The following C1GALT1 variants were observed in gnomAD, a reference collection of about 807,000 sequenced individuals.
C1GALT1 encodes core 1 synthase, glycoprotein-N-acetylgalactosamine 3-beta-galactosyltransferase 1.
In C1GALT1, 11 loss-of-function variants were observed where a neutral mutation model predicts 31.0. That is an observed-to-expected ratio of 0.36 (90% CI 0.22 to 0.59). The LOEUF (loss-of-function observed/expected upper bound fraction) is 0.59, where lower values mean the gene tolerates loss of function less well. Among genes scored for constraint, C1GALT1 ranks in the 20% least tolerant of loss-of-function variants. The pLI is 0.79. For missense variants in C1GALT1, 424 were observed against 425.2 expected (o/e 1.00, Z 0.03); for synonymous variants, 175 against 143.6 (o/e 1.22, Z -1.56).
intron 2 of C1GALT1, chr7:7,234,836 T>G (rs901910506): frequency 2.0e-5 from 4 of 202,662 alleles, no homozygotes; most frequent in African/African-American, 9.3e-5. Flanking sequence ...TTTTGTTATA[T>G]GTGTGTCTTT....
chr7:7,243,734 A>G lies in C1GALT1; in HGVS notation c.*7A>G, dbSNP rs573123670. The G allele has an allele frequency of 6.3e-7, 1 of 1,579,578 alleles. No individual in the cohort carries two copies. The highest frequency in any genetic ancestry group is 1.4e-5 in the African/African-American group (1 of 73,882). On this transcript the variant is annotated 3_prime_UTR_variant, in exon 4 of 4. Transcript: ENST00000436587. ...GAAGTTAGGAAATCCTTGAAAGAAA[A>G]TCATGAATGAACAAAGGTAATATGT...
At chr7:7,167,644 G>A (rs1230054975) in intron 2 of C1GALT1, among the ~76,000 whole-genome samples, 2 of 151,526 alleles carry the variant, frequency 1.3e-5, no homozygotes, top group African/African-American at 4.9e-5. Context: ...CAGAATCTGT[G>A]GTATGCTGAC....
chr7:7,191,658 G>T (rs1458582070), intron 1 of C1GALT1, among the ~76,000 whole-genome samples: 1 of 151,998 alleles, frequency 6.6e-6, no homozygotes, highest in Non-Finnish European at 1.5e-5. Context: ...TCTGAATTTT[G>T]ATGGTAACCA....
rs1269827922 is a variant in C1GALT1 at position 7,182,704 on chromosome 7, C to T, written c.-134C>T. The T allele has an allele frequency of 2.7e-6, 2 of 729,198 alleles. No individual in the cohort carries two copies. The highest frequency in any genetic ancestry group is 6.3e-5 in the Admixed American group (1 of 15,936). 45.2% of individuals were successfully genotyped at this position (729,198 alleles called of 1,614,324 possible). On this transcript the variant is annotated 5_prime_UTR_variant, in exon 1 of 4. Coordinates refer to ENST00000436587, the MANE Select transcript of C1GALT1 (RefSeq NM_020156.5). ...TAATCTGGGCGGCAGCGGGCGGCCT[C>T]GGCTAGCGGCCACGAGCCACTTCTG... is the stretch of plus-strand genomic sequence containing the variant.
At chr7:7,206,052 T>C (rs897385026) in intron 1 of C1GALT1, among the ~76,000 whole-genome samples, 3 of 152,226 alleles carry the variant, frequency 2.0e-5, no homozygotes, top group African/African-American at 4.8e-5. Context: ...ACACTTAATA[T>C]TTAAAAATTA....
chr7:7,236,985 C>G (rs563457725), intron 2 of C1GALT1, among the ~76,000 whole-genome samples: 9 of 152,298 alleles, frequency 5.9e-5, no homozygotes, highest in African/African-American at 1.7e-4. Flanking sequence ...CGTCAGGATA[C>G]TGCCCAGAAC....
chr7:7,185,786 C>G (rs952056350), intron 1 of C1GALT1, among the ~76,000 whole-genome samples: 7 of 152,214 alleles, frequency 4.6e-5, no homozygotes, highest in African/African-American at 1.7e-4. Context: ...TTCAACCTAT[C>G]TTTTGTGGGG....
chr7:7,197,238 C>A (rs1354058257), intron 1 of C1GALT1, among the ~76,000 whole-genome samples: 3 of 152,074 alleles, frequency 2.0e-5, no homozygotes, highest in Admixed American at 6.5e-5. Context: ...AGGAAGGGAT[C>A]CAGTTTCAGC....
At chr7:7,169,835 C>G (rs1780434570) in intron 2 of C1GALT1, among the ~76,000 whole-genome samples, 1 of 152,188 alleles carries the variant, frequency 6.6e-6, no homozygotes, top group African/African-American at 2.4e-5. Flanking sequence ...ATGTCTTTAT[C>G]TGACTTTGGT....
chr7:7,232,781 C>T (rs982232003), intron 1 of C1GALT1, among the ~76,000 whole-genome samples: 6 of 152,274 alleles, frequency 3.9e-5, no homozygotes, highest in Middle Eastern at 6.8e-3. Flanking sequence ...TGAGCCACCA[C>T]GCCCAGCCGG....
chr7:7,235,672 TAA>T (rs1427400452), intron 2 of C1GALT1, among the ~76,000 whole-genome samples: 1 of 152,212 alleles, frequency 6.6e-6, no homozygotes, highest in Non-Finnish European at 1.5e-5. Context: ...TGGGGTATGC[TAA>T]AAGTTTGTCT....
intron 3 of C1GALT1, among the ~76,000 whole-genome samples, chr7:7,239,496 A>G (rs1299417119): frequency 2.0e-5 from 3 of 152,150 alleles, no homozygotes; most frequent in African/African-American, 4.8e-5. Flanking sequence ...TCTCTCACTT[A>G]ATAGCCGAAC....
Position 7,238,460 on chromosome 7 carries a change from A to G in C1GALT1, c.426A>G (p.Gln142=), listed in dbSNP as rs376057308. 47 of 1,613,810 alleles carry G rather than the reference A, an allele frequency of 2.9e-5. No homozygotes were observed. Among genetic ancestry groups the G allele is most frequent in the Non-Finnish European group, 3.6e-5 (43 of 1,179,968 alleles). ...VGLKTKEGRD[Q]LYWKTIKAFQ... is the part of the protein sequence containing the mutation. Reference sequence around the variant, plus strand: ...TGAAAACCAAAGAAGGCAGAGATCAACTATACTGGAAAACAATTAAAGCTT... The same window carrying G: ...TGAAAACCAAAGAAGGCAGAGATCAGCTATACTGGAAAACAATTAAAGCTT... Residue 142 remains glutamine (Q), a synonymous_variant, in exon 3 of 4, where the codon CAA becomes CAG. Transcript: ENST00000436587. The surrounding 1 kb of genome is among the most constrained non-coding windows in gnomAD (Gnocchi z 5.2).
rs528821933 is a variant in C1GALT1, at chr7:7,247,060, A to G, written c.*3333A>G. Reference sequence around the variant, plus strand: ...AGTACATAATTTATTAAAAACATACATAAGTGTCATCAAAAAGGTCCACAA... The same window carrying G: ...AGTACATAATTTATTAAAAACATACGTAAGTGTCATCAAAAAGGTCCACAA... On this transcript the variant is annotated 3_prime_UTR_variant, in exon 4 of 4. Coordinates refer to ENST00000436587, the MANE Select transcript of C1GALT1 (RefSeq NM_020156.5). 1 of 152,198 alleles carries G rather than the reference A, an allele frequency of 6.6e-6. No individual in the cohort carries two copies. The highest frequency in any genetic ancestry group is 2.4e-5 in the African/African-American group (1 of 41,458). 9.4% of individuals were successfully genotyped at this position (152,198 alleles called of 1,614,324 possible).
intron 1 of C1GALT1, among the ~76,000 whole-genome samples, chr7:7,215,777 A>G (rs1782208039): frequency 6.6e-6 from 1 of 151,990 alleles, no homozygotes; most frequent in African/African-American, 2.4e-5. Context: ...AGCTGCAGTG[A>G]GGGCTTGAGT....
chr7:7,180,876 C>T (rs536706979), upstream of C1GALT1, among the ~76,000 whole-genome samples: 6 of 148,122 alleles, frequency 4.1e-5, no homozygotes, highest in Admixed American at 6.9e-5. Flanking sequence ...CCACTGCATT[C>T]CAGCCTGGGC....
Position 7,246,536 on chromosome 7 carries a change from C to T in C1GALT1, c.*2809C>T, listed in dbSNP as rs142964556. On this transcript the variant is annotated 3_prime_UTR_variant, in exon 4 of 4. Coordinates refer to ENST00000436587, the MANE Select transcript of C1GALT1 (RefSeq NM_020156.5). ...TGGGGCCCAAGAGTATGCATTCTTA[C>T]CAGATACCTTGGGCAGTGACTGTCA... 1 of 152,090 alleles carries T rather than the reference C, an allele frequency of 6.6e-6. No homozygotes were observed. Among genetic ancestry groups the T allele is most frequent in the Admixed American group, 6.5e-5 (1 of 15,272 alleles). The allele number at this position is 152,090 out of a possible 1,614,324, so 9.4% of individuals were successfully genotyped here. A position where few individuals can be genotyped will look rare whatever the true frequency, so the allele number is the denominator to read the frequency against.
chr7:7,237,839 T>C (rs969565907), intron 2 of C1GALT1, among the ~76,000 whole-genome samples: 15 of 152,220 alleles, frequency 9.9e-5, no homozygotes, highest in African/African-American at 3.6e-4. Context: ...CTGCTTTCTT[T>C]TATGAAGTGC....
At chr7:7,218,561 GC>G (rs912026527) in intron 1 of C1GALT1, among the ~76,000 whole-genome samples, 4 of 152,108 alleles carry the variant, frequency 2.6e-5, no homozygotes, top group African/African-American at 4.8e-5. Flanking sequence ...GAGCTGCTTT[GC>G]CCCCTCATTA....
Sources: gnomAD v4.1 joint callset for allele counts (sites outside exome capture counted in the v4.1 genomes callset) on GRCh38, gnomAD v4.1.1 for gene constraint, Gnocchi (gnomAD v3.1) non-coding constraint, MANE v1.5 for transcripts, NCBI Gene and HGNC (gene_info 2026-07-23, HGNC 2026-07-21) for gene names.